The following DAB2IP variants were observed in gnomAD, a reference collection of about 807,000 sequenced individuals.
DAB2IP encodes the protein DAB2 interacting protein.
In DAB2IP, 28 loss-of-function variants were observed where a neutral mutation model predicts 107.2. The observed-to-expected ratio is 0.26, with a 90% CI of 0.19 to 0.36. The LOEUF is 0.36. DAB2IP is among the 10% of genes least tolerant of loss of function. The pLI is 1.00. For missense variants in DAB2IP, 1,400 were observed against 1,644.7 expected (o/e 0.85, Z 2.57); for synonymous variants, 755 against 706.4 (o/e 1.07, Z -1.09).
intron 1 of DAB2IP, among the ~76,000 whole-genome samples, chr9:121,597,247 G>T (rs868139756): frequency 4.6e-4 from 70 of 151,710 alleles, no homozygotes; most frequent in Admixed American, 3.2e-3. Context: ...AGTTTTTTTT[G>T]TGTGTGTAAG....
In DAB2IP at chr9:121,776,259, C is replaced by A. The variant is rs929621672; in HGVS notation, c.3182C>A (p.Thr1061Asn). Residue 1061 changes from threonine to asparagine, a missense_variant, in exon 14 of 16, where the codon ACC becomes AAC. By Grantham distance (65) the Thr-to-Asn change is moderately conservative (BLOSUM62 0). Around this residue, in one of 3 missense-constraint regions of DAB2IP, gnomAD observed 600 missense variants for 659.1 expected, o/e 0.91. Coordinates refer to ENST00000408936, the Ensembl canonical transcript of DAB2IP. This position sits in a 1 kb window ranked among gnomAD's most constrained non-coding sequence, Gnocchi z 5.4. The stretch of plus-strand genomic sequence containing the variant: ...ACCAAGAAGCTGGAGGAGTATGAGA[C>A]CCTGTTCAAGTGCCAGGAGGAGACG... 1.3e-6 allele frequency: 2 copies of A among 1,586,122 alleles called. No homozygotes were observed. The highest frequency in any genetic ancestry group is 1.2e-5 in the South Asian group (1 of 86,410).
chr9:121,583,078 A>G (rs760306566), intron 1 of DAB2IP, among the ~76,000 whole-genome samples: 2 of 152,224 alleles, frequency 1.3e-5, no homozygotes, highest in Non-Finnish European at 2.9e-5. Flanking sequence ...GAACAAAACA[A>G]AACATAATTT....
rs80168138 is a variant in DAB2IP, at chr9:121,768,757, G to A, written c.1899+124G>A. On this transcript the variant is annotated intron_variant, in intron 10 of 15. Transcript: ENST00000408936. ...AAGTGGCATGATCAGGCCAGGTCCT[G>A]TCAGAACACACTGGGGATCTGTGGG... 1.6e-3 allele frequency: 1,922 copies of A among 1,191,126 alleles called. 20 individuals carry two copies. The African/African-American group carries it at 0.023, about 14-fold the overall frequency. The allele number at this position is 1,191,126 out of a possible 1,614,324, so 73.8% of individuals were successfully genotyped here.
chr9:121,732,340 G>T (rs1831592841), intron 3 of DAB2IP, among the ~76,000 whole-genome samples: 1 of 152,166 alleles, frequency 6.6e-6, no homozygotes, highest in Non-Finnish European at 1.5e-5. Context: ...TTACATTTTT[G>T]GAGTGAACAT....
At chr9:121,783,194 T>G (rs952629183) in exon 16 of DAB2IP, 1 of 1,147,520 alleles carries the variant, frequency 8.7e-7, no homozygotes, top group Non-Finnish European at 1.1e-6. Context: ...TTAGTTGTAT[T>G]GCCAGATAGA....
exon 10 of DAB2IP, chr9:121,768,576 C>T: frequency 6.2e-7 from 1 of 1,614,156 alleles, no homozygotes; most frequent in South Asian, 1.1e-5. Flanking sequence ...TCGACCTGGG[C>T]CGCGAGCTCT....
At chr9:121,601,603 T>C (rs1487934667) in intron 1 of DAB2IP, among the ~76,000 whole-genome samples, 1 of 152,168 alleles carries the variant, frequency 6.6e-6, no homozygotes, top group East Asian at 1.9e-4. Context: ...GGCACTGAGG[T>C]TGGTAATGAT....
Position 121,678,752 on chromosome 9 carries a change from C to T in DAB2IP, c.199C>T (p.Pro67Ser). The change falls in exon 2 of 16, where the codon CCC becomes TCC. Residue 67 changes from proline (P) to serine (S), a missense_variant. Physicochemically the swap from Pro to Ser is moderately conservative, Grantham distance 74. This residue lies in a region of DAB2IP where 283 missense variants were observed against 237.0 expected (regional missense o/e 1.19). Coordinates refer to ENST00000408936, the Ensembl canonical transcript of DAB2IP. ...TTCCGAGAAGAGCCCCAGCATGGAG[C>T]CCTCGGCCGCCACGCCGTTCCGGGT... is the stretch of plus-strand genomic sequence containing the variant. 3 of 1,598,410 alleles carry T rather than the reference C, an allele frequency of 1.9e-6. No individual in the cohort carries two copies. The East Asian group carries it at 6.8e-5, about 36-fold the overall frequency.
At chr9:121,647,229 C>G (rs575228131), upstream of DAB2IP, among the ~76,000 whole-genome samples, 3 of 152,306 alleles carry the variant, frequency 2.0e-5, no homozygotes, top group East Asian at 3.9e-4. Context: ...TATCATCCCC[C>G]CTGTACAGAA....
intron 2 of DAB2IP, among the ~76,000 whole-genome samples, chr9:121,695,597 C>T (rs1444039349): frequency 6.6e-6 from 1 of 152,174 alleles, no homozygotes; most frequent in Non-Finnish European, 1.5e-5. Context: ...CAAGCGTGGG[C>T]TCCTGTGGTC....
rs995828764 is a variant in DAB2IP at position 121,772,900 on chromosome 9, C to A, written c.2372C>A (p.Pro791Gln). The change falls in exon 12 of 16, where the codon CCA (proline) becomes CAA (glutamine). Residue 791 changes from proline (P) to glutamine (Q), a missense_variant. By Grantham distance (76) the Pro-to-Gln change is moderately conservative. This residue lies in a region of DAB2IP where 600 missense variants were observed against 659.1 expected (regional missense o/e 0.91). Coordinates refer to ENST00000408936, the Ensembl canonical transcript of DAB2IP. This position sits in a 1 kb window ranked among gnomAD's most constrained non-coding sequence, Gnocchi z 4.7. ...GCCGGGTGGCCGGCCCGGGCAACCC[C>A]AGTGAACCTGGCAGGGCTGGCCACG... The A allele has an allele frequency of 6.4e-7, 1 of 1,574,280 alleles. No homozygotes were observed. Among genetic ancestry groups the A allele is most frequent in the Non-Finnish European group, 8.6e-7 (1 of 1,164,064 alleles).
At chr9:121,700,176 GC>G (rs1829696052) in intron 3 of DAB2IP, among the ~76,000 whole-genome samples, 1 of 152,234 alleles carries the variant, frequency 6.6e-6, no homozygotes, top group African/African-American at 2.4e-5. Flanking sequence ...TCCTGGGCCA[GC>G]CGGGAGCAGG....
At chr9:121,567,675 A>G (rs1023315607) in intron 1 of DAB2IP, among the ~76,000 whole-genome samples, 1 of 152,204 alleles carries the variant, frequency 6.6e-6, no homozygotes, top group African/African-American at 2.4e-5. Context: ...TCATGCTGAA[A>G]GCACTCCCCG....
chr9:121,629,697 G>A (rs549579048), intron 1 of DAB2IP, among the ~76,000 whole-genome samples: 2 of 152,292 alleles, frequency 1.3e-5, no homozygotes, highest in East Asian at 3.9e-4. Context: ...TCACCCCACT[G>A]AGGGGCTTCA....
chr9:121,624,170 A>G (rs1031199326), intron 1 of DAB2IP, among the ~76,000 whole-genome samples: 13 of 152,148 alleles, frequency 8.5e-5, no homozygotes. Flanking sequence ...TTCTCCATGA[A>G]GCAGCTTTTC....
At chr9:121,705,861 A>G (rs910100192) in intron 3 of DAB2IP, among the ~76,000 whole-genome samples, 3 of 152,204 alleles carry the variant, frequency 2.0e-5, no homozygotes, top group Non-Finnish European at 4.4e-5. Flanking sequence ...CGACTCTTTA[A>G]TGGAATTCCT....
In DAB2IP at chr9:121,737,238, G is replaced by A. The variant is rs530871208; in HGVS notation, c.363-19775G>A. 1.5e-4 allele frequency: 146 copies of A among 985,370 alleles called. No homozygotes were observed. In the African/African-American group the frequency reaches 2.0e-3, roughly 14 times the overall value. The allele number at this position is 985,370 out of a possible 1,614,324, so 61.0% of individuals were successfully genotyped here. ...AGGGCGACTTGCCATGGCTGGAAGCGATAGTTTGCTTTCAGGAGTGTTTCT... is the reference window on the plus strand; with the variant it reads ...AGGGCGACTTGCCATGGCTGGAAGCAATAGTTTGCTTTCAGGAGTGTTTCT... On this transcript the variant is annotated intron_variant, in intron 3 of 15. Coordinates refer to ENST00000408936, the Ensembl canonical transcript of DAB2IP.
chr9:121,569,521 C>A (rs1312957947), intron 1 of DAB2IP, among the ~76,000 whole-genome samples: 1 of 152,190 alleles, frequency 6.6e-6, no homozygotes, highest in African/African-American at 2.4e-5. Context: ...ATTTCAGAAA[C>A]AGAAATTAAA....
chr9:121,757,196 C>T (rs1044989144), intron 4 of DAB2IP, 30 bp downstream of exon 4: 2 of 1,607,156 alleles, frequency 1.2e-6, no homozygotes, highest in African/African-American at 2.7e-5. Context: ...TTGGGGTGGA[C>T]ACCCCATCCT....
Sources: gnomAD v4.1 joint callset for allele counts (sites outside exome capture counted in the v4.1 genomes callset) on GRCh38, gnomAD v4.1.1 for gene constraint, gnomAD v4.1.1 regional missense constraint, Gnocchi (gnomAD v3.1) non-coding constraint, MANE v1.5 for transcripts, NCBI Gene and HGNC (gene_info 2026-07-23, HGNC 2026-07-21) for gene names.